CD47: variants seen among roughly 807,000 people sequenced by gnomAD.
CD47 encodes the protein CD47 molecule.
In CD47, 11 loss-of-function variants were observed where a neutral mutation model predicts 44.6. The observed-to-expected ratio is 0.25, with a 90% confidence interval of 0.16 to 0.41. The LOEUF (loss-of-function observed/expected upper bound fraction) is 0.41. Ranked by LOEUF, CD47 falls within the 10% of genes least tolerant of loss-of-function variation. CD47 has a pLI of 1.00. For missense variants in CD47, 306 were observed against 386.7 expected (o/e 0.79, Z 1.75); for synonymous variants, 140 against 136.3 (o/e 1.03, Z -0.19).
At chr3:108,050,841 A>C in intron 8 of CD47, 1 of 475,652 alleles carries the variant, frequency 2.1e-6, no homozygotes. Context: ...TTCTAAACAG[A>C]ATTTCCCACT....
At chr3:108,058,527 C>A in intron 5 of CD47, 98 bp from the exon 6 acceptor site, 2 of 697,352 alleles carry the variant, frequency 2.9e-6, no homozygotes, top group South Asian at 2.0e-5. Flanking sequence ...CTCCTAAGAC[C>A]AAAGACTGAC....
intron 3 of CD47, among the ~76,000 whole-genome samples, chr3:108,064,042 T>A (rs1282604476): frequency 6.6e-6 from 1 of 152,250 alleles, no homozygotes; most frequent in East Asian, 1.9e-4. Flanking sequence ...TCTGTTGGGT[T>A]GGTTCATTCA....
At chr3:108,072,198 T>G (rs576134992) in intron 2 of CD47, among the ~76,000 whole-genome samples, 1 of 152,250 alleles carries the variant, frequency 6.6e-6, no homozygotes, top group Non-Finnish European at 1.5e-5. Context: ...GGAGTTTGCC[T>G]GTACAAGGGG....
intron 2 of CD47, among the ~76,000 whole-genome samples, chr3:108,078,939 G>A (rs1048969186): frequency 2.6e-5 from 4 of 151,988 alleles, no homozygotes; most frequent in East Asian, 1.9e-4. Flanking sequence ...ACTTGGACTC[G>A]GTTAAGCACC....
chr3:108,047,254 A>G lies in CD47; in HGVS notation c.*34T>C. On this transcript the variant is annotated 3_prime_UTR_variant, in exon 11 of 11. Coordinates refer to ENST00000361309, the MANE Select transcript of CD47 (RefSeq NM_001777.4). ...AAGTGTATTCCTTTCACGTCTTACT[A>G]CTCTCCAAATCGGAGTCCATCACTT... 6.3e-7 allele frequency: 1 copy of G among 1,586,226 alleles called. No homozygotes were observed. Among genetic ancestry groups the G allele is most frequent in the Non-Finnish European group, 8.6e-7 (1 of 1,156,990 alleles).
rs1237471295 is a variant in CD47 at position 108,044,227 on chromosome 3, G to C, written c.*3061C>G. 6.6e-6 allele frequency: 1 copy of C among 152,510 alleles called. No individual in the cohort carries two copies. Among genetic ancestry groups the C allele is most frequent in the Non-Finnish European group, 1.5e-5 (1 of 68,014 alleles). 9.4% of individuals were successfully genotyped at this position (152,510 alleles called of 1,614,324 possible). On this transcript the variant is annotated 3_prime_UTR_variant, in exon 11 of 11. Coordinates refer to ENST00000361309, the MANE Select transcript of CD47 (RefSeq NM_001777.4). ...ACTTATCGTGTTTTGAGCTTTGTTA[G>C]TGCAAATAACAATTTGGTGGTCACT...
intron 1 of CD47, among the ~76,000 whole-genome samples, chr3:108,088,216 T>C (rs73200305): frequency 0.022 from 3,300 of 152,318 alleles, 68 homozygotes; most frequent in Non-Finnish European, 0.03. Flanking sequence ...ATTCATACTA[T>C]GAAATGCAAA....
intron 1 of CD47, among the ~76,000 whole-genome samples, chr3:108,084,129 C>T (rs543418702): frequency 2.0e-5 from 3 of 152,032 alleles, no homozygotes; most frequent in African/African-American, 7.2e-5. Flanking sequence ...CCTAGCATCC[C>T]AAATTAACAA....
intron 3 of CD47, among the ~76,000 whole-genome samples, chr3:108,061,571 T>C (rs1208231339): frequency 6.6e-6 from 1 of 152,236 alleles, no homozygotes; most frequent in Non-Finnish European, 1.5e-5. Flanking sequence ...GGATTCATCA[T>C]ACATGTTATT....
rs2078702371 is a variant in CD47, at chr3:108,045,131, A to G, written c.*2157T>C. The G allele has an allele frequency of 6.6e-6, 1 of 152,616 alleles. No homozygotes were observed. The highest frequency in any genetic ancestry group is 2.4e-5 in the African/African-American group (1 of 41,436). 9.5% of individuals were successfully genotyped at this position (152,616 alleles called of 1,614,324 possible). ...CATTTCCCCCACTATCTCTGGTGGC[A>G]TTGTCTAGGGCAGTGAATGCCTCAA... On this transcript the variant is annotated 3_prime_UTR_variant, in exon 11 of 11. Transcript: ENST00000361309.
chr3:108,084,744 T>G (rs2079486760), intron 1 of CD47, among the ~76,000 whole-genome samples: 1 of 152,120 alleles, frequency 6.6e-6, no homozygotes, highest in Admixed American at 6.6e-5. Context: ...GACCTGGACC[T>G]AAGAATCACA....
intron 1 of CD47, among the ~76,000 whole-genome samples, chr3:108,087,569 G>A (rs1344659861): frequency 1.3e-5 from 2 of 152,062 alleles, no homozygotes; most frequent in African/African-American, 2.4e-5. Context: ...TGCCAAAGAG[G>A]GCTTTGCAAA....
rs939191192 is a variant in CD47, at chr3:108,046,467, C to G, written c.*821G>C. ...GCTCTGAGAACAAGTCTGGCTCCTT[C>G]CTGCAACTGGTGCTACCGTGTCACT... On this transcript the variant is annotated 3_prime_UTR_variant, in exon 11 of 11. Transcript: ENST00000361309. The G allele has an allele frequency of 6.6e-6, 1 of 152,662 alleles. No homozygotes were observed. Among genetic ancestry groups the G allele is most frequent in the Non-Finnish European group, 1.5e-5 (1 of 68,056 alleles). 9.5% of individuals were successfully genotyped at this position (152,662 alleles called of 1,614,324 possible). A position where few individuals can be genotyped will look rare whatever the true frequency, so the allele number is the denominator to read the frequency against.
chr3:108,059,442 G>A lies in CD47; in HGVS notation c.691+10C>T. 1 of 1,312,770 alleles carries A rather than the reference G, an allele frequency of 7.6e-7. No homozygotes were observed. The allele number at this position is 1,312,770 out of a possible 1,614,324, so 81.3% of individuals were successfully genotyped here. On this transcript the variant is annotated intron_variant, in intron 5 of 10. Coordinates refer to ENST00000361309, the MANE Select transcript of CD47 (RefSeq NM_001777.4). ...GTAGACAAAATCATACTGTAACAAT[G>A]AAAACTCACCTGTACTAAACACATA...
At chr3:108,077,998 TAAAC>T (rs1465315869) in intron 2 of CD47, among the ~76,000 whole-genome samples, 1 of 151,898 alleles carries the variant, frequency 6.6e-6, no homozygotes, top group African/African-American at 2.4e-5. Context: ...GTTACGCAAA[TAAAC>T]ACGTGATAAA....
chr3:108,078,348 T>C (rs2079349605), intron 2 of CD47, among the ~76,000 whole-genome samples: 1 of 152,036 alleles, frequency 6.6e-6, no homozygotes, highest in Non-Finnish European at 1.5e-5. Context: ...TAATAAACTG[T>C]TTTTATCTCA....
intron 1 of CD47, among the ~76,000 whole-genome samples, chr3:108,086,560 A>G (rs530689907): frequency 6.6e-6 from 1 of 152,310 alleles, no homozygotes; most frequent in East Asian, 1.9e-4. Flanking sequence ...GTGAGATCTG[A>G]TGCACACTAT....
intron 4 of CD47, among the ~76,000 whole-genome samples, chr3:108,060,016 T>C (rs972190540): frequency 6.6e-6 from 1 of 152,216 alleles, no homozygotes; most frequent in African/African-American, 2.4e-5. Context: ...AGTTATTAGG[T>C]TGAGTCCCAG....
At chr3:108,061,811 G>C (rs1434855887) in intron 3 of CD47, among the ~76,000 whole-genome samples, 1 of 152,190 alleles carries the variant, frequency 6.6e-6, no homozygotes, top group Non-Finnish European at 1.5e-5. Flanking sequence ...TCCACATAGA[G>C]ATAGTCTCCA....
Sources: allele counts gnomAD v4.1 joint callset (sites outside exome capture counted in the v4.1 genomes callset), GRCh38; gene constraint gnomAD v4.1.1; transcripts MANE v1.5; gene names NCBI Gene and HGNC (gene_info 2026-07-23, HGNC 2026-07-21).